The following PRKCH variants were observed in gnomAD, a reference collection of about 807,000 sequenced individuals.
PRKCH encodes protein kinase C eta.
A neutral mutation model predicts 82.5 loss-of-function variants in PRKCH; 28 were observed. The observed-to-expected ratio is 0.34, with a 90% confidence interval of 0.25 to 0.47. The LOEUF (loss-of-function observed/expected upper bound fraction) is 0.47, where lower values mean the gene tolerates loss of function less well. Ranked by LOEUF, PRKCH falls within the 20% of genes least tolerant of loss-of-function variation. PRKCH has a pLI of 1.00. For missense variants in PRKCH, 705 were observed against 881.8 expected (o/e 0.80, Z 2.54); for synonymous variants, 322 against 327.4 (o/e 0.98, Z 0.18).
chr14:61,470,025 A>G (rs556279668), intron 9 of PRKCH, among the ~76,000 whole-genome samples: 1 of 151,780 alleles, frequency 6.6e-6, no homozygotes, highest in South Asian at 2.1e-4. Flanking sequence ...GTGACCCTCC[A>G]TGGCAGCTGC....
At chr14:61,407,393 A>G (rs1267083082) in intron 2 of PRKCH, among the ~76,000 whole-genome samples, 2 of 152,188 alleles carry the variant, frequency 1.3e-5, no homozygotes, top group South Asian at 2.1e-4. Flanking sequence ...GAACATAACA[A>G]TGCTTGGAGG....
At chr14:61,350,194 G>A (rs1273440605) in intron 1 of PRKCH, among the ~76,000 whole-genome samples, 5 of 151,796 alleles carry the variant, frequency 3.3e-5, no homozygotes, top group Admixed American at 1.3e-4. Context: ...TTTCCTCCAC[G>A]TCTCCTCCCC....
intron 1 of PRKCH, among the ~76,000 whole-genome samples, chr14:61,261,333 T>A (rs985250997): frequency 2.0e-5 from 3 of 152,228 alleles, no homozygotes; most frequent in Non-Finnish European, 4.4e-5. Context: ...CTGCGCTGTA[T>A]GAGAAACAGA....
chr14:61,320,102 A>G (rs1267723592), upstream of PRKCH, among the ~76,000 whole-genome samples: 2 of 152,160 alleles, frequency 1.3e-5, no homozygotes, highest in African/African-American at 4.8e-5. Context: ...AGGGGCTGGA[A>G]GATCACTTGA....
At chr14:61,376,669 C>T (rs184711845) in intron 1 of PRKCH, among the ~76,000 whole-genome samples, 79 of 152,282 alleles carry the variant, frequency 5.2e-4, no homozygotes, top group African/African-American at 1.9e-3. Context: ...CTGAGACAGT[C>T]TCTTAATTCT....
intron 11 of PRKCH, 118 bp downstream of exon 11, chr14:61,529,331 G>A: frequency 7.9e-7 from 1 of 1,273,116 alleles, no homozygotes; most frequent in Non-Finnish European, 1.1e-6. Flanking sequence ...AAGGTGTCTA[G>A]AGCCGACACC....
chr14:61,210,782 CTCTCTCTCTG>C (rs749035604), intron 1 of PRKCH, among the ~76,000 whole-genome samples: 115 of 87,324 alleles, frequency 1.3e-3, no homozygotes, highest in East Asian at 7.8e-3. Context: ...CTCTCTCTCT[CTCTCTCTCTG>C]TGTGTGTGTG....
At chr14:61,193,371 T>C (rs2044419783) in intron 1 of PRKCH, among the ~76,000 whole-genome samples, 1 of 152,212 alleles carries the variant, frequency 6.6e-6, no homozygotes. Context: ...AACCAGATGG[T>C]CATGGTAGAA....
intron 1 of PRKCH, among the ~76,000 whole-genome samples, chr14:61,325,268 C>T (rs1353592546): frequency 6.6e-6 from 1 of 152,154 alleles, no homozygotes; most frequent in Non-Finnish European, 1.5e-5. Flanking sequence ...TAAAGAGAGT[C>T]ATACAGATCA....
chr14:61,548,811 C>T lies in PRKCH; in HGVS notation c.1906-874C>T, dbSNP rs150702713. Among the ~76,000 whole-genome samples, 4 of 144,322 alleles carry T rather than the reference C, an allele frequency of 2.8e-5. No individual in the cohort carries two copies. The East Asian group carries it at 8.1e-4, about 29-fold the overall frequency. The allele number at this position is 144,322 out of a possible 152,430, so 94.7% of individuals were successfully genotyped here. On this transcript the variant is annotated intron_variant, in intron 13 of 13. Transcript: ENST00000332981. ...CTAGGAGGTGGAGATTGCAGTGAGC[C>T]GAGATTGCGTCATGCGCTCCAGCCT...
chr14:61,237,859 A>C (rs1278767445), intron 1 of PRKCH, among the ~76,000 whole-genome samples: 1 of 152,244 alleles, frequency 6.6e-6, no homozygotes, highest in African/African-American at 2.4e-5. Context: ...TTCCTGAAGC[A>C]TGTCCTTAAC....
At chr14:61,282,822 A>G (rs966957436) in intron 1 of PRKCH, among the ~76,000 whole-genome samples, 2 of 152,304 alleles carry the variant, frequency 1.3e-5, no homozygotes, top group Middle Eastern at 3.4e-3. Flanking sequence ...TTGAATTTCA[A>G]TTCCCTCACT....
chr14:61,272,179 G>T (rs1487016045), intron 1 of PRKCH, among the ~76,000 whole-genome samples: 1 of 151,756 alleles, frequency 6.6e-6, no homozygotes, highest in Non-Finnish European at 1.5e-5. Flanking sequence ...AGTGAGCTGA[G>T]ATTGCGCCAC....
chr14:61,193,083 A>G (rs1043483111), intron 1 of PRKCH, among the ~76,000 whole-genome samples: 2 of 152,256 alleles, frequency 1.3e-5, no homozygotes, highest in African/African-American at 4.8e-5. Context: ...CTAGGCAATC[A>G]TGGGAAAGAT....
chr14:61,192,378 G>C (rs1002091307), intron 1 of PRKCH, among the ~76,000 whole-genome samples: 2 of 152,154 alleles, frequency 1.3e-5, no homozygotes, highest in Non-Finnish European at 2.9e-5. Context: ...TACAGATAAA[G>C]GTGTTCATTC....
At chr14:61,194,176 A>G (rs955415859) in intron 1 of PRKCH, among the ~76,000 whole-genome samples, 1 of 152,228 alleles carries the variant, frequency 6.6e-6, no homozygotes, top group Non-Finnish European at 1.5e-5. Context: ...TACCACAGAG[A>G]TTATAAATAT....
chr14:61,239,527 T>C (rs2044818047), intron 1 of PRKCH, among the ~76,000 whole-genome samples: 1 of 152,228 alleles, frequency 6.6e-6, no homozygotes, highest in South Asian at 2.1e-4. Flanking sequence ...GGGGTACGTG[T>C]CTTCCGGCCA....
chr14:61,236,675 C>A (rs1362907276), intron 1 of PRKCH, among the ~76,000 whole-genome samples: 2 of 145,704 alleles, frequency 1.4e-5, no homozygotes, highest in South Asian at 2.2e-4. Context: ...CCACTGCACT[C>A]CAGCCTGGGC....
chr14:61,365,481 T>G (rs2046286627), intron 1 of PRKCH, among the ~76,000 whole-genome samples: 1 of 152,132 alleles, frequency 6.6e-6, no homozygotes, highest in South Asian at 2.1e-4. Context: ...TTCTGTAGAC[T>G]ACAAGTGTAG....
Sources: gnomAD v4.1 joint callset for allele counts (sites outside exome capture counted in the v4.1 genomes callset) on GRCh38, gnomAD v4.1.1 for gene constraint, MANE v1.5 for transcripts, NCBI Gene and HGNC (gene_info 2026-07-23, HGNC 2026-07-21) for gene names.